The following TRPM6 variants were observed in gnomAD, a reference collection of about 807,000 sequenced individuals.
TRPM6 encodes channel kinase 2.
In TRPM6, 111 loss-of-function variants were observed where a neutral mutation model predicts 247.6. The ratio of observed to expected loss-of-function variants is 0.45; its 90% CI spans 0.38 to 0.52. The LOEUF is 0.52. Ranked by LOEUF, TRPM6 falls within the 20% of genes least tolerant of loss-of-function variation. The pLI, the probability that TRPM6 is intolerant of heterozygous loss-of-function variation, is 0.00. For synonymous variants in TRPM6, 892 were observed against 853.8 expected (o/e 1.04, Z -0.78); for missense variants, 2,126 against 2,421.5 (o/e 0.88, Z 2.56).
At position 74,788,871 on chromosome 9, in the gene TRPM6, C is replaced by T. The variant is rs551655246; in HGVS notation, c.2539-129G>A. On this transcript the variant is annotated intron_variant, in intron 19 of 38. Coordinates refer to ENST00000360774, the MANE Select transcript of TRPM6 (RefSeq NM_017662.5). ...TAACACGAACACAGAACTAGGACCACCTTCGGGTTATTGATGACCTACTAT... is the reference window on the plus strand; with the variant it reads ...TAACACGAACACAGAACTAGGACCATCTTCGGGTTATTGATGACCTACTAT... 133 of 1,101,266 alleles carry T rather than the reference C, an allele frequency of 1.2e-4. No individual in the cohort carries two copies. The South Asian group carries it at 1.4e-3, about 11-fold the overall frequency. The allele number at this position is 1,101,266 out of a possible 1,614,324, so 68.2% of individuals were successfully genotyped here.
chr9:74,851,342 T>C, intron 3 of TRPM6, among the ~76,000 whole-genome samples: 1 of 151,682 alleles, frequency 6.6e-6, no homozygotes, highest in East Asian at 1.9e-4. Flanking sequence ...TACCCATCAC[T>C]CAGAGCATTT....
intron 18 of TRPM6, among the ~76,000 whole-genome samples, chr9:74,794,605 T>C (rs1405244528): frequency 6.6e-6 from 1 of 152,190 alleles, no homozygotes; most frequent in Non-Finnish European, 1.5e-5. Context: ...GAAAGCAATT[T>C]AAGTAATGAC....
At chr9:74,738,663 A>G (rs372158313) in intron 35 of TRPM6, 51 bp from the exon 36 acceptor site, 10 of 1,497,592 alleles carry the variant, frequency 6.7e-6, no homozygotes, top group Non-Finnish European at 9.3e-6. Context: ...CAAAAGTGGG[A>G]CTTACCTTAC....
chr9:74,781,176 A>G (rs891723682), intron 23 of TRPM6, among the ~76,000 whole-genome samples: 3 of 152,096 alleles, frequency 2.0e-5, no homozygotes, highest in Admixed American at 6.5e-5. Flanking sequence ...GGACATTCCA[A>G]TGTTAAAAGG....
chr9:74,768,351 T>C (rs1409508987), intron 25 of TRPM6, among the ~76,000 whole-genome samples: 2 of 152,216 alleles, frequency 1.3e-5, no homozygotes, highest in Non-Finnish European at 2.9e-5. Context: ...TTTAGTTTCC[T>C]ACAATAGGCA....
intron 14 of TRPM6, among the ~76,000 whole-genome samples, chr9:74,804,999 T>A (rs970363229): frequency 2.0e-5 from 3 of 152,210 alleles, no homozygotes; most frequent in African/African-American, 7.2e-5. Flanking sequence ...AATTAAAGAC[T>A]AATTAAAATT....
chr9:74,826,198 CA>C (rs1829324308), intron 7 of TRPM6, among the ~76,000 whole-genome samples: 1 of 152,192 alleles, frequency 6.6e-6, no homozygotes, highest in Non-Finnish European at 1.5e-5. Flanking sequence ...ATTGTCACAA[CA>C]AACGTTAGAC....
chr9:74,793,104 C>T (rs546750437), intron 18 of TRPM6, among the ~76,000 whole-genome samples: 9 of 152,122 alleles, frequency 5.9e-5, no homozygotes, highest in Non-Finnish European at 1.3e-4. Flanking sequence ...TACAGTGAGC[C>T]GATATCATGC....
At chr9:74,830,623 C>T (rs748145972) in intron 6 of TRPM6, among the ~76,000 whole-genome samples, 2 of 152,048 alleles carry the variant, frequency 1.3e-5, no homozygotes, top group Non-Finnish European at 2.9e-5. Flanking sequence ...GTTGCCCAGG[C>T]TGGAGTGCAG....
At chr9:74,826,763 G>C (rs1371414489) in intron 7 of TRPM6, 1 of 127,924 alleles carries the variant, frequency 7.8e-6, no homozygotes, top group African/African-American at 3.1e-5. Flanking sequence ...TTTTGAGACA[G>C]AGTCTTGCTC....
rs537081507 is a variant in TRPM6 at position 74,834,415 on chromosome 9, A to G, written c.545-293T>C. Among the ~76,000 whole-genome samples the G allele has an allele frequency of 3.3e-5, 5 of 152,148 alleles. No individual in the cohort carries two copies. The East Asian group carries it at 9.7e-4, about 29-fold the overall frequency. ...CTCTTGCCTAAGCAAAATGCTGTGC[A>G]CTGTCCTTCCTCAGCAAGCCCAGCC... On this transcript the variant is annotated intron_variant, in intron 5 of 38. Coordinates refer to ENST00000360774, the MANE Select transcript of TRPM6 (RefSeq NM_017662.5).
At position 74,782,820 on chromosome 9, in the gene TRPM6, C is replaced by T. The variant is rs749305046; in HGVS notation, c.2953G>A (p.Ala985Thr). ...ANMFYIVIIM[A>T]IVLLSFGVAR... The stretch of plus-strand genomic sequence containing the variant: ...ACTCCAAAGCTCAGCAGGACTATGG[C>T]CATGATGATCACAATATAGAACATG... Residue 985 changes from alanine (A) to threonine (T), a missense_variant, in exon 22 of 39, where the codon GCC becomes ACC. Transcript: ENST00000360774. 1 of 1,614,106 alleles carries T rather than the reference C, an allele frequency of 6.2e-7. No homozygotes were observed. The highest frequency in any genetic ancestry group is 1.7e-5 in the Admixed American group (1 of 60,006).
Position 74,821,805 on chromosome 9 carries a change from C to T in TRPM6, c.874G>A (p.Val292Met), listed in dbSNP as rs1284834747. ...SRQGVPVVGL[V>M]VEGGPNVILS... is the part of the protein sequence containing the mutation. ...ATGACGTTGGGACCGCCTTCCACCA[C>T]CAGCCCCACGACCGGCACGCCTTGT... Residue 292 changes from valine to methionine, a missense_variant, in exon 8 of 39, where the codon GTG becomes ATG. Val to Met is a conservative substitution (Grantham distance 21). This residue lies in a region of TRPM6 where 1,082 missense variants were observed against 1,307.9 expected (regional missense o/e 0.83). Coordinates refer to ENST00000360774, the MANE Select transcript of TRPM6 (RefSeq NM_017662.5). The T allele has an allele frequency of 1.2e-6, 2 of 1,614,092 alleles. No individual in the cohort carries two copies. Among genetic ancestry groups the T allele is most frequent in the Non-Finnish European group, 1.7e-6 (2 of 1,180,046 alleles).
intron 6 of TRPM6, among the ~76,000 whole-genome samples, chr9:74,830,670 AG>A (rs1829510679): frequency 6.7e-6 from 1 of 150,308 alleles, no homozygotes; most frequent in African/African-American, 2.5e-5. Context: ...TCAACTTCCC[AG>A]GTTCAAGCAA....
intron 6 of TRPM6, among the ~76,000 whole-genome samples, chr9:74,831,692 T>C (rs1829552393): frequency 6.6e-6 from 1 of 152,172 alleles, no homozygotes; most frequent in Non-Finnish European, 1.5e-5. Flanking sequence ...AATTTGAACA[T>C]TATTAAGAAT....
At chr9:74,847,868 T>C (rs979789638) in intron 3 of TRPM6, among the ~76,000 whole-genome samples, 4 of 152,094 alleles carry the variant, frequency 2.6e-5, no homozygotes, top group Non-Finnish European at 5.9e-5. Flanking sequence ...AAAATATATA[T>C]GTAGCAGTAG....
chr9:74,762,121 G>T lies in TRPM6; in HGVS notation c.4550C>A (p.Pro1517Gln), dbSNP rs138211998. The T allele has an allele frequency of 4.3e-6, 7 of 1,614,072 alleles. No homozygotes were observed. In the African/African-American group the frequency reaches 9.3e-5, roughly 22 times the overall value. Residue 1517 changes from proline to glutamine, a missense_variant, in exon 26 of 39, where the codon CCA becomes CAA. Physicochemically the swap from Pro to Gln is moderately conservative, Grantham distance 76. Around this residue, in one of 3 missense-constraint regions of TRPM6, gnomAD observed 717 missense variants for 715.9 expected, o/e 1.00. Transcript: ENST00000360774. Reference protein sequence around the residue: ...AQSSECSEVGPWLQPNTSFWI... With the variant: ...AQSSECSEVGQWLQPNTSFWI... ...AAAGGATGTGTTTGGCTGAAGCCAT[G>T]GTCCCACCTCTGAGCATTCACTACT...
At chr9:74,843,622 C>T (rs964089490) in intron 3 of TRPM6, among the ~76,000 whole-genome samples, 31 of 151,398 alleles carry the variant, frequency 2.0e-4, no homozygotes, top group African/African-American at 3.6e-4. Context: ...TCCTGGCTAA[C>T]GTGGTGAAAC....
intron 38 of TRPM6, among the ~76,000 whole-genome samples, chr9:74,727,363 C>T (rs1169333483): frequency 8.3e-6 from 1 of 121,006 alleles, no homozygotes; most frequent in African/African-American, 3.3e-5. Flanking sequence ...GCCTGGGCGA[C>T]AGAGTGAGAC....
Sources: gnomAD v4.1 joint callset for allele counts (sites outside exome capture counted in the v4.1 genomes callset) on GRCh38, gnomAD v4.1.1 for gene constraint, gnomAD v4.1.1 regional missense constraint, MANE v1.5 for transcripts, NCBI Gene and HGNC (gene_info 2026-07-23, HGNC 2026-07-21) for gene names.